TBXAS1: variants seen among roughly 807,000 people sequenced by gnomAD.
TBXAS1 encodes the protein thromboxane A synthase 1.
A neutral mutation model predicts 60.7 loss-of-function variants in TBXAS1; 48 were observed. That is an observed-to-expected ratio of 0.79 (90% CI 0.63 to 1.01). The LOEUF is 1.01. Among genes scored for constraint, TBXAS1 ranks in the 50% least tolerant of loss-of-function variants. The probability of loss-of-function intolerance (pLI) is 0.00; values close to 1 mark genes in which losing one functional copy is unlikely to be tolerated. For synonymous variants in TBXAS1, 287 were observed against 269.7 expected (o/e 1.06, Z -0.63); for missense variants, 685 against 686.3 (o/e 1.00, Z 0.02).
chr7:139,997,555 C>A (rs1252442414), intron 9 of TBXAS1, among the ~76,000 whole-genome samples: 1 of 151,808 alleles, frequency 6.6e-6, no homozygotes, highest in African/African-American at 2.4e-5. Flanking sequence ...TTCCTATTTC[C>A]CCCTCCCCCC....
intron 9 of TBXAS1, among the ~76,000 whole-genome samples, chr7:139,985,393 G>A (rs537076020): frequency 3.9e-5 from 6 of 152,220 alleles, no homozygotes; most frequent in Non-Finnish European, 7.3e-5. Context: ...CTGATGGTGT[G>A]GAGTACAGAG....
At chr7:139,956,042 C>T (rs1486796372) in intron 7 of TBXAS1, among the ~76,000 whole-genome samples, 1 of 152,232 alleles carries the variant, frequency 6.6e-6, no homozygotes, top group Non-Finnish European at 1.5e-5. Context: ...ATCCTCTTCA[C>T]AAGACTTCTC....
In TBXAS1 at chr7:140,020,105, A is replaced by G; in HGVS notation, c.*6A>G. On this transcript the variant is annotated 3_prime_UTR_variant, in exon 13 of 13. Transcript: ENST00000448866. The stretch of plus-strand genomic sequence containing the variant: ...TCAAGATCGTATCCCGCTGACACAG[A>G]AGGCTGCCGGGTGGGGGGAGGGCAC... The G allele has an allele frequency of 7.1e-7, 1 of 1,414,188 alleles. No individual in the cohort carries two copies. 87.6% of individuals were successfully genotyped at this position (1,414,188 alleles called of 1,614,324 possible). A position where few individuals can be genotyped will look rare whatever the true frequency, so the allele number is the denominator to read the frequency against.
At chr7:139,953,647 C>G in intron 6 of TBXAS1, 191 bp downstream of exon 6, 1 of 587,828 alleles carries the variant, frequency 1.7e-6, no homozygotes, top group Non-Finnish European at 3.0e-6. Context: ...GTGAGCAGAG[C>G]CAGGGTACGT....
At chr7:139,988,241 G>T (rs906773811) in intron 9 of TBXAS1, among the ~76,000 whole-genome samples, 5 of 152,196 alleles carry the variant, frequency 3.3e-5, no homozygotes, top group African/African-American at 4.8e-5. Context: ...TGAAGACAAC[G>T]GAAGCTCAGG....
intron 4 of TBXAS1, among the ~76,000 whole-genome samples, chr7:139,915,603 A>C (rs1805905076): frequency 6.6e-6 from 1 of 152,198 alleles, no homozygotes; most frequent in African/African-American, 2.4e-5. Flanking sequence ...AGCCTGGTGG[A>C]GAAGGGCCCT....
rs372408843 is a variant in TBXAS1, at chr7:140,016,055, G to A, written c.1364+195G>A. ...TAATTATACCATTTTTTAGCCACGCGTGGTGGCTCATGCCTGTAATCCCAG... is the reference window on the plus strand; with the variant it reads ...TAATTATACCATTTTTTAGCCACGCATGGTGGCTCATGCCTGTAATCCCAG... On this transcript the variant is annotated intron_variant, in intron 11 of 12. Coordinates refer to ENST00000448866, the MANE Select transcript of TBXAS1 (RefSeq NM_001061.7). Among the ~76,000 whole-genome samples the A allele has an allele frequency of 3.6e-4, 55 of 152,250 alleles. 1 individual carries two copies. The South Asian group carries it at 0.01, about 28-fold the overall frequency.
intron 5 of TBXAS1, among the ~76,000 whole-genome samples, chr7:139,951,862 AGAAG>A (rs1441311998): frequency 1.2e-4 from 16 of 129,092 alleles, no homozygotes; most frequent in African/African-American, 4.7e-4. Context: ...AAGGAAGGAA[AGAAG>A]GAAGGAAGGA....
rs75012014 is a variant in TBXAS1 at position 139,907,206 on chromosome 7, C to T, written c.237-4019C>T. Among the ~76,000 whole-genome samples the T allele has an allele frequency of 5.4e-3, 827 of 152,252 alleles. 7 individuals are homozygous for T. Among genetic ancestry groups the T allele is most frequent in the African/African-American group, 0.019 (780 of 41,560 alleles). ...TGCCCTTTATCAAGTTGAGGAACTC[C>T]TCTCTATTCCTGAGAGTGTTTATCA... On this transcript the variant is annotated intron_variant, in intron 3 of 12. Transcript: ENST00000448866.
At chr7:139,855,336 C>T (rs1203217387) in intron 1 of TBXAS1, among the ~76,000 whole-genome samples, 1 of 152,130 alleles carries the variant, frequency 6.6e-6, no homozygotes, top group Admixed American at 6.5e-5. Flanking sequence ...GCAATGTGTT[C>T]AAACTCCCAT....
chr7:139,831,004 A>G lies in TBXAS1; in HGVS notation c.89+1525A>G, dbSNP rs1255881475. ...TGTCTATTCTTGGGCCATATTAATAACCTGGTTCAAAGATGCAGAGATTAA... is the reference window on the plus strand; with the variant it reads ...TGTCTATTCTTGGGCCATATTAATAGCCTGGTTCAAAGATGCAGAGATTAA... On this transcript the variant is annotated intron_variant, in intron 1 of 12. Transcript: ENST00000448866. Among the ~76,000 whole-genome samples, 5 of 152,084 alleles carry G rather than the reference A, an allele frequency of 3.3e-5. No homozygotes were observed. In the East Asian group the frequency reaches 9.7e-4, roughly 30 times the overall value.
At chr7:140,011,133 C>T (rs545861870) in intron 10 of TBXAS1, among the ~76,000 whole-genome samples, 86 of 151,848 alleles carry the variant, frequency 5.7e-4, no homozygotes, top group Non-Finnish European at 9.4e-4. Context: ...AAAAATTAGC[C>T]GGGCATGGTG....
chr7:139,900,367 A>T (rs1344821329), intron 3 of TBXAS1, among the ~76,000 whole-genome samples: 2 of 152,136 alleles, frequency 1.3e-5, no homozygotes, highest in Non-Finnish European at 2.9e-5. Context: ...ATGAACCCGG[A>T]TCCCACCTGC....
chr7:139,983,530 A>T (rs1265243144), intron 9 of TBXAS1, among the ~76,000 whole-genome samples: 1 of 152,166 alleles, frequency 6.6e-6, no homozygotes, highest in East Asian at 1.9e-4. Context: ...ATCAGGATGC[A>T]GGGGCTGCTG....
chr7:139,788,476 A>G lies in TBXAS1; in HGVS notation c.-80+1050A>G, dbSNP rs899505649. 7.9e-5 allele frequency among the ~76,000 whole-genome samples: 12 copies of G among 152,312 alleles called. 1 individual carries two copies. In the South Asian group the frequency reaches 1.5e-3, roughly 18 times the overall value. On this transcript the variant is annotated intron_variant, in intron 4 of 16. Transcript: ENST00000336425. ...GTGCCTTGTACTTACTTGTGGCTCA[A>G]TAAATACTTGTTACATGAGTAAGTC...
At chr7:140,018,909 C>T (rs1815311956) in intron 12 of TBXAS1, among the ~76,000 whole-genome samples, 1 of 152,182 alleles carries the variant, frequency 6.6e-6, no homozygotes, top group African/African-American at 2.4e-5. Flanking sequence ...TCACCCAGAT[C>T]CTGCCCACTC....
At chr7:139,986,432 G>C (rs1166566815) in intron 9 of TBXAS1, among the ~76,000 whole-genome samples, 1 of 151,968 alleles carries the variant, frequency 6.6e-6, no homozygotes, top group Non-Finnish European at 1.5e-5. Flanking sequence ...AAGTTCTTTA[G>C]GGGTGATTTG....
At chr7:140,000,839 C>T (rs551329198) in intron 9 of TBXAS1, among the ~76,000 whole-genome samples, 6 of 152,304 alleles carry the variant, frequency 3.9e-5, no homozygotes, top group South Asian at 2.1e-4. Context: ...GAGAGCAGAG[C>T]GCCTCATGTT....
intron 10 of TBXAS1, among the ~76,000 whole-genome samples, chr7:140,010,649 G>C (rs969370857): frequency 2.0e-5 from 3 of 152,168 alleles, no homozygotes; most frequent in African/African-American, 7.2e-5. Context: ...TTTCAGTGCT[G>C]GTGTTTGCTA....
Sources: gnomAD v4.1 joint callset for allele counts (sites outside exome capture counted in the v4.1 genomes callset) on GRCh38, gnomAD v4.1.1 for gene constraint, MANE v1.5 for transcripts, NCBI Gene and HGNC (gene_info 2026-07-23, HGNC 2026-07-21) for gene names.